Variants in C5 observed in about 807,000 individuals in gnomAD.
The protein encoded by C5 is complement C5.
A neutral mutation model predicts 218.8 loss-of-function variants in C5; 140 were observed. The observed-to-expected ratio is 0.64, with a 90% CI of 0.56 to 0.74. C5 has a LOEUF of 0.74. C5 is among the 30% of genes least tolerant of loss of function. The pLI is 0.00. For synonymous variants in C5, 614 were observed against 682.3 expected, an observed-to-expected ratio of 0.90 and a Z score of 1.56; for missense variants, 1,700 against 1,969.6, an observed-to-expected ratio of 0.86 and a Z score of 2.59.
the C5 span, among the ~76,000 whole-genome samples, chr9:121,067,292 G>A: frequency 6.6e-6 from 1 of 151,918 alleles, no homozygotes; most frequent in African/African-American, 2.4e-5. Context: ...GCAGGGCGCG[G>A]TGGCTCACGC....
chr9:120,968,537 C>T (rs563438380), intron 33 of C5, among the ~76,000 whole-genome samples: 1 of 152,132 alleles, frequency 6.6e-6, no homozygotes, highest in South Asian at 2.1e-4. Flanking sequence ...AATACAGTGG[C>T]CAATTGAGGC....
Position 121,043,033 on chromosome 9 carries a change from T to C in C5, c.392A>G (p.Asp131Gly). 1 of 1,613,086 alleles carries C rather than the reference T, an allele frequency of 6.2e-7. No individual in the cohort carries two copies. The highest frequency in any genetic ancestry group is 8.5e-7 in the Non-Finnish European group (1 of 1,179,282). ...YDNGFLFIHT[D>G]KPVYTPDQSV... The stretch of plus-strand genomic sequence containing the variant: ...CTGGTCTGGAGTATAAACAGGTTTG[T>C]CTGTATGAATGAAGAGAAATCCATT... The change falls in exon 3 of 41, where the codon GAC becomes GGC. Residue 131 changes from aspartate (D) to glycine (G), a missense_variant. Transcript: ENST00000223642.
In C5 at chr9:120,976,790, A is replaced by G; in HGVS notation, c.3774T>C (p.Ser1258=). Reference sequence around the variant, plus strand: ...CATAATTTATATCTTTCAAGTTCAGACTGGTGAGTAAAGCATAGGCAGTTG... The same window carrying G: ...CATAATTTATATCTTTCAAGTTCAGGCTGGTGAGTAAAGCATAGGCAGTTG... The part of the protein sequence containing the change: ...VETTAYALLT[S]LNLKDINYVN... Residue 1258 remains serine (S), a synonymous_variant, in exon 29 of 41, where the codon AGT becomes AGC. Coordinates refer to ENST00000223642, the MANE Select transcript of C5 (RefSeq NM_001735.3). The G allele has an allele frequency of 1.2e-6, 2 of 1,614,102 alleles. No individual in the cohort carries two copies. Among genetic ancestry groups the G allele is most frequent in the Non-Finnish European group, 1.7e-6 (2 of 1,179,966 alleles).
chr9:121,074,300 G>A, the C5 span, among the ~76,000 whole-genome samples: 1 of 152,226 alleles, frequency 6.6e-6, no homozygotes, highest in African/African-American at 2.4e-5. Context: ...TTGAATGCAT[G>A]TCGTGAACGC....
chr9:120,989,990 A>G (rs1272457703), intron 23 of C5, among the ~76,000 whole-genome samples: 1 of 152,204 alleles, frequency 6.6e-6, no homozygotes, highest in Non-Finnish European at 1.5e-5. Context: ...AAAAATCACT[A>G]AAATATGGTG....
the C5 span, among the ~76,000 whole-genome samples, chr9:121,062,191 T>C: frequency 1.3e-5 from 2 of 152,220 alleles, no homozygotes; most frequent in Non-Finnish European, 1.5e-5. Context: ...AGACATACTT[T>C]TCTTAATACT....
intron 30 of C5, 55 bp from the exon 31 acceptor site, chr9:120,972,047 G>A: frequency 6.9e-7 from 1 of 1,445,860 alleles, no homozygotes; most frequent in South Asian, 1.1e-5. Context: ...TGATAGGGAG[G>A]GAGGATAGAG....
At chr9:120,958,900 C>G (rs2046806006) in intron 38 of C5, among the ~76,000 whole-genome samples, 1 of 152,124 alleles carries the variant, frequency 6.6e-6, no homozygotes, top group Admixed American at 6.6e-5. Flanking sequence ...ATCCTCCTAC[C>G]TCAGCTTCCC....
intron 1 of C5, among the ~76,000 whole-genome samples, chr9:121,049,899 A>C (rs752986466): frequency 2.6e-5 from 4 of 152,172 alleles, no homozygotes; most frequent in Non-Finnish European, 5.9e-5. Context: ...AAATGTCAAG[A>C]AAGTTTATTA....
Position 120,987,207 on chromosome 9 carries a change from A to G in C5, c.3230+1839T>C, listed in dbSNP as rs535710567. 3.3e-5 allele frequency among the ~76,000 whole-genome samples: 5 copies of G among 152,288 alleles called. No homozygotes were observed. In the East Asian group the frequency reaches 9.7e-4, roughly 29 times the overall value. On this transcript the variant is annotated intron_variant, in intron 25 of 40. Coordinates refer to ENST00000223642, the MANE Select transcript of C5 (RefSeq NM_001735.3). ...CTAGGACATTTCCTAACTTCTTAGG[A>G]AAGAAGTTAGGCCTTGAGACATTGA...
intron 34 of C5, 95 bp from the exon 35 acceptor site, chr9:120,963,062 G>C (rs1374782681): frequency 3.1e-6 from 3 of 953,058 alleles, no homozygotes; most frequent in Non-Finnish European, 5.1e-6. Context: ...GCAGGGATGT[G>C]ATCTGTAATT....
intron 40 of C5, 90 bp from the exon 41 acceptor site, chr9:120,952,958 C>T (rs1452201130): frequency 1.0e-5 from 15 of 1,432,824 alleles, no homozygotes; most frequent in African/African-American, 1.4e-5. Context: ...GAGTCTTGCT[C>T]AGTCGCCCAT....
chr9:120,972,797 C>T (rs1415247366), intron 30 of C5, among the ~76,000 whole-genome samples: 1 of 152,184 alleles, frequency 6.6e-6, no homozygotes, highest in Non-Finnish European at 1.5e-5. Context: ...ATGGATTGGG[C>T]ATATGTTAAA....
At position 120,969,153 on chromosome 9, in the gene C5, A is replaced by G. The variant is rs147713055; in HGVS notation, c.4163-35T>C. On this transcript the variant is annotated intron_variant, in intron 32 of 40. Coordinates refer to ENST00000223642, the MANE Select transcript of C5 (RefSeq NM_001735.3). ...AAGACAAGAAAACAAACAGACAAAT[A>G]TAAGAGTAAACTGTTTTCAGCTGCT... is the stretch of plus-strand genomic sequence containing the variant. 143 of 1,577,728 alleles carry G rather than the reference A, an allele frequency of 9.1e-5. 1 individual carries two copies. The Middle Eastern group carries it at 1.7e-3, about 18-fold the overall frequency.
At chr9:121,051,112 T>C (rs36223100), upstream of C5, among the ~76,000 whole-genome samples, 171 of 151,178 alleles carry the variant, frequency 1.1e-3, 1 homozygote, top group African/African-American at 4.1e-3. Context: ...TACTAAAATT[T>C]TATCTTTATA....
At position 120,953,811 on chromosome 9, in the gene C5, G is replaced by C; in HGVS notation, c.4820C>G (p.Thr1607Ser). 2 of 1,613,684 alleles carry C rather than the reference G, an allele frequency of 1.2e-6. No homozygotes were observed. Among genetic ancestry groups the C allele is most frequent in the Non-Finnish European group, 1.7e-6 (2 of 1,179,584 alleles). ...EITFIKKVTCTNAELVKGRQY... is the reference protein window; with the variant it reads ...EITFIKKVTCSNAELVKGRQY... ...TCTTCCTTTTACCAGCTCAGCGTTAGTACAGGTTACCTTTTTAATGAAGGT... is the reference window on the plus strand; with the variant it reads ...TCTTCCTTTTACCAGCTCAGCGTTACTACAGGTTACCTTTTTAATGAAGGT... The change falls in exon 40 of 41, where the codon ACT (threonine) becomes AGT (serine). Residue 1607 changes from threonine to serine, a missense_variant. Thr to Ser is a moderately conservative substitution (Grantham distance 58). Transcript: ENST00000223642.
chr9:121,023,302 G>T, intron 10 of C5, 102 bp downstream of exon 10: 1 of 811,966 alleles, frequency 1.2e-6, no homozygotes, highest in Non-Finnish European at 2.2e-6. Flanking sequence ...CTCCCTCTGT[G>T]ACTTCATGGC....
At chr9:121,069,991 C>T in the C5 span, among the ~76,000 whole-genome samples, 1 of 152,110 alleles carries the variant, frequency 6.6e-6, no homozygotes, top group Admixed American at 6.6e-5. Flanking sequence ...GTCTGCATCC[C>T]CATGTTTATT....
intron 13 of C5, 42 bp from the exon 14 acceptor site, chr9:121,017,553 T>C (rs1226843211): frequency 6.2e-7 from 1 of 1,610,356 alleles, no homozygotes; most frequent in East Asian, 2.2e-5. Context: ...ATCATTTGTA[T>C]GAGACAAGAC....
Sources: gnomAD v4.1 joint callset for allele counts (sites outside exome capture counted in the v4.1 genomes callset) on GRCh38, gnomAD v4.1.1 for gene constraint, MANE v1.5 for transcripts, NCBI Gene and HGNC (gene_info 2026-07-23, HGNC 2026-07-21) for gene names.